Variants in WIF1 observed in about 807,000 individuals in gnomAD.
WIF1 encodes Wnt inhibitory factor 1.
In WIF1, 35 loss-of-function variants were observed where a neutral mutation model predicts 53.5. The ratio of observed to expected loss-of-function variants is 0.65; its 90% CI spans 0.50 to 0.87. The LOEUF (loss-of-function observed/expected upper bound fraction) is 0.87, where lower values mean the gene tolerates loss of function less well. Ranked by LOEUF, WIF1 falls within the 40% of genes least tolerant of loss-of-function variation. The pLI is 0.00. For missense variants in WIF1, 467 were observed against 476.8 expected (o/e 0.98, Z 0.19); for synonymous variants, 171 against 170.4 (o/e 1.00, Z -0.03).
At chr12:65,069,708 A>G (rs1194649169) in intron 3 of WIF1, among the ~76,000 whole-genome samples, 1 of 152,192 alleles carries the variant, frequency 6.6e-6, no homozygotes, top group African/African-American at 2.4e-5. Context: ...GTCACAAAGC[A>G]GGGATTGGGA....
chr12:65,091,699 T>C (rs1366163679), intron 2 of WIF1, among the ~76,000 whole-genome samples: 2 of 152,202 alleles, frequency 1.3e-5, no homozygotes, highest in Non-Finnish European at 2.9e-5. Context: ...TTTCAATGAA[T>C]AGCTCTGATC....
At chr12:65,083,694 G>C (rs1419977077) in intron 2 of WIF1, 4 of 324,562 alleles carry the variant, frequency 1.2e-5, no homozygotes, top group Admixed American at 8.3e-5. Flanking sequence ...CATGGAGCCT[G>C]GTTCATTATC....
intron 2 of WIF1, among the ~76,000 whole-genome samples, chr12:65,105,217 G>A (rs938706520): frequency 7.2e-5 from 11 of 152,116 alleles, no homozygotes; most frequent in African/African-American, 2.7e-4. Context: ...ACCCACTAAT[G>A]GGGAGTTTGT....
intron 2 of WIF1, among the ~76,000 whole-genome samples, chr12:65,095,241 T>A (rs1287692581): frequency 6.6e-6 from 1 of 151,930 alleles, no homozygotes; most frequent in Admixed American, 6.6e-5. Flanking sequence ...AGTGCCCAGC[T>A]TGAATTTTTC....
Position 65,066,647 on chromosome 12 carries a change from C to G in WIF1, c.724G>C (p.Asp242His). ...CTTAAAAAGAAACTGTTACCTTTGT[C>G]ACAGTTCACTCCATAGAATCCAGGT... ...CPPGFYGVNCDKANCSTTCFN... is the reference protein window; with the variant it reads ...CPPGFYGVNCHKANCSTTCFN... Residue 242 changes from aspartate to histidine, a missense_variant, in exon 6 of 10, where the codon GAC (aspartate) becomes CAC (histidine). Asp to His is a moderately conservative substitution (Grantham distance 81). Transcript: ENST00000286574. The G allele has an allele frequency of 6.3e-7, 1 of 1,599,990 alleles. No individual in the cohort carries two copies. The highest frequency in any genetic ancestry group is 8.5e-7 in the Non-Finnish European group (1 of 1,174,822).
chr12:65,067,615 A>G, intron 5 of WIF1, 80 bp downstream of exon 5: 1 of 1,401,476 alleles, frequency 7.1e-7, no homozygotes. Context: ...GGTGTTAAAA[A>G]TACACAATAC....
chr12:65,072,824 C>T (rs950137827), intron 3 of WIF1, among the ~76,000 whole-genome samples: 3 of 152,080 alleles, frequency 2.0e-5, no homozygotes, highest in Admixed American at 6.6e-5. Flanking sequence ...GAGTAAAGAG[C>T]CATTGTTCCC....
chr12:65,110,966 A>G lies in WIF1; in HGVS notation c.288+9451T>C, dbSNP rs138008220. Among the ~76,000 whole-genome samples the G allele has an allele frequency of 1.7e-4, 26 of 152,266 alleles. No individual in the cohort carries two copies. The East Asian group carries it at 4.6e-3, about 27-fold the overall frequency. On this transcript the variant is annotated intron_variant, in intron 2 of 9. Transcript: ENST00000286574. Reference sequence around the variant, plus strand: ...AGAGGAGTGACATTTAATCAGAGACATGGGGGAAGCCAGGGAGCAAGCCCT... The same window carrying G: ...AGAGGAGTGACATTTAATCAGAGACGTGGGGGAAGCCAGGGAGCAAGCCCT...
At chr12:65,085,630 C>T (rs189342308) in intron 2 of WIF1, among the ~76,000 whole-genome samples, 73 of 152,220 alleles carry the variant, frequency 4.8e-4, no homozygotes, top group Admixed American at 1.4e-3. Flanking sequence ...CTTAAACAGG[C>T]GATAGAAGAA....
At chr12:65,111,260 A>G (rs988663013) in intron 2 of WIF1, among the ~76,000 whole-genome samples, 14 of 152,152 alleles carry the variant, frequency 9.2e-5, no homozygotes, top group African/African-American at 3.4e-4. Flanking sequence ...GCTACCCTCA[A>G]AACTACCCTC....
chr12:65,094,908 A>C (rs1237299926), intron 2 of WIF1, among the ~76,000 whole-genome samples: 2 of 78,214 alleles, frequency 2.6e-5, no homozygotes, highest in African/African-American at 8.8e-5. Flanking sequence ...CTTCTTATTT[A>C]TTTATTTATT....
chr12:65,100,000 A>T (rs1252699321), intron 2 of WIF1, among the ~76,000 whole-genome samples: 2 of 152,186 alleles, frequency 1.3e-5, no homozygotes, highest in Non-Finnish European at 2.9e-5. Context: ...TATAAAAATA[A>T]ATGTCCCAAA....
chr12:65,061,005 C>T (rs1413816951), intron 7 of WIF1, among the ~76,000 whole-genome samples: 1 of 152,202 alleles, frequency 6.6e-6, no homozygotes, highest in East Asian at 1.9e-4. Context: ...GAAAATGAGC[C>T]TATGAACAAA....
intron 2 of WIF1, among the ~76,000 whole-genome samples, chr12:65,081,041 G>A (rs1882940778): frequency 6.6e-6 from 1 of 151,642 alleles, no homozygotes; most frequent in Non-Finnish European, 1.5e-5. Flanking sequence ...TAGAATTGAT[G>A]GTGATTTTTT....
chr12:65,107,587 C>T (rs1883369584), intron 2 of WIF1, among the ~76,000 whole-genome samples: 2 of 152,096 alleles, frequency 1.3e-5, no homozygotes, highest in African/African-American at 4.8e-5. Context: ...GCCATTGCAC[C>T]CCAGCTTGTG....
intron 6 of WIF1, among the ~76,000 whole-genome samples, chr12:65,064,318 A>C (rs1243979277): frequency 6.6e-6 from 1 of 152,224 alleles, no homozygotes; most frequent in Non-Finnish European, 1.5e-5. Context: ...AAGCTTCTCT[A>C]CATTTCTGTT....
Position 65,051,327 on chromosome 12 carries a change from A to T in WIF1, c.*22T>A. ...AAAGGCTATGAACTTGGTGTAACTTAAAACGTTTCAGATGTCGGAGTTCAC... is the reference window on the plus strand; with the variant it reads ...AAAGGCTATGAACTTGGTGTAACTTTAAACGTTTCAGATGTCGGAGTTCAC... On this transcript the variant is annotated 3_prime_UTR_variant, in exon 10 of 10. Transcript: ENST00000286574. The T allele has an allele frequency of 6.2e-7, 1 of 1,608,154 alleles. No homozygotes were observed. Among genetic ancestry groups the T allele is most frequent in the East Asian group, 2.2e-5 (1 of 44,762 alleles).
intron 2 of WIF1, among the ~76,000 whole-genome samples, chr12:65,109,117 A>T (rs1413912799): frequency 6.6e-6 from 1 of 152,128 alleles, no homozygotes; most frequent in Non-Finnish European, 1.5e-5. Flanking sequence ...TTTTCCAACT[A>T]CACCAATGAT....
chr12:65,101,727 A>G (rs1238506531), intron 2 of WIF1, among the ~76,000 whole-genome samples: 1 of 152,234 alleles, frequency 6.6e-6, no homozygotes, highest in East Asian at 1.9e-4. Context: ...AACCCTTATA[A>G]TTTGCCAATG....
Sources: gnomAD v4.1 joint callset for allele counts (sites outside exome capture counted in the v4.1 genomes callset) on GRCh38, gnomAD v4.1.1 for gene constraint, MANE v1.5 for transcripts, NCBI Gene and HGNC (gene_info 2026-07-23, HGNC 2026-07-21) for gene names.